The following THAP6 variants were observed in gnomAD, a reference collection of about 807,000 sequenced individuals.
THAP6 encodes THAP domain-containing protein 6.
In THAP6, 13 loss-of-function variants were observed where a neutral mutation model predicts 20.0. The ratio of observed to expected loss-of-function variants is 0.65; its 90% confidence interval spans 0.42 to 1.03. THAP6 has a LOEUF of 1.03. Ranked by LOEUF, THAP6 falls within the 50% of genes least tolerant of loss-of-function variation. The pLI, the probability that THAP6 is intolerant of heterozygous loss-of-function variation, is 0.00. For synonymous variants in THAP6, 93 were observed against 92.2 expected (o/e 1.01, Z -0.05); for missense variants, 262 against 261.6 (o/e 1.00, Z -0.01).
At position 75,515,895 on chromosome 4, in the gene THAP6, G is replaced by A. The variant is rs1027597100; in HGVS notation, c.80+363G>A. ...AATATATTGCCCTCTCTATTTAGAAGTAGATCAAGCATAGGTTATAGAGAA... is the reference window on the plus strand; with the variant it reads ...AATATATTGCCCTCTCTATTTAGAAATAGATCAAGCATAGGTTATAGAGAA... On this transcript the variant is annotated intron_variant, in intron 2 of 4. Coordinates refer to ENST00000311638, the MANE Select transcript of THAP6 (RefSeq NM_144721.6). 2.6e-5 allele frequency among the ~76,000 whole-genome samples: 4 copies of A among 152,230 alleles called. No individual in the cohort carries two copies. The East Asian group carries it at 7.7e-4, about 29-fold the overall frequency.
rs1195162560 is a variant in THAP6 at position 75,527,436 on chromosome 4, AC to A, written c.*223del. On this transcript the variant is annotated 3_prime_UTR_variant, in exon 5 of 5. Transcript: ENST00000311638. ...TGACAATTATGTTTTATAGACCTAC[AC>A]TAGTGCCAGGTCACTATTGTAAGAT... 4 of 1,341,816 alleles carry A rather than the reference AC, an allele frequency of 3.0e-6. No homozygotes were observed. Among genetic ancestry groups the A allele is most frequent in the Non-Finnish European group, 3.8e-6 (4 of 1,047,720 alleles). 83.1% of individuals were successfully genotyped at this position (1,341,816 alleles called of 1,614,324 possible).
intron 4 of THAP6, among the ~76,000 whole-genome samples, chr4:75,523,716 G>T (rs532028361): frequency 6.7e-6 from 1 of 150,088 alleles, no homozygotes; most frequent in Admixed American, 6.7e-5. Context: ...TGGGAGGATC[G>T]CTTGAGCCCT....
intron 3 of THAP6, among the ~76,000 whole-genome samples, chr4:75,519,137 T>C (rs1002981322): frequency 9.8e-5 from 15 of 152,334 alleles, no homozygotes; most frequent in Admixed American, 6.5e-4. Context: ...GTATGTACTC[T>C]GGCTTCTTTA....
At chr4:75,515,627 C>T in intron 2 of THAP6, 95 bp downstream of exon 2, 1 of 1,168,092 alleles carries the variant, frequency 8.6e-7, no homozygotes, top group Non-Finnish European at 1.3e-6. Context: ...ACTTTAGTTC[C>T]CGAGTCCTTT....
At chr4:75,521,375 A>T (rs1353970034) in intron 3 of THAP6, among the ~76,000 whole-genome samples, 1 of 152,004 alleles carries the variant, frequency 6.6e-6, no homozygotes, top group Non-Finnish European at 1.5e-5. Context: ...GCCTTACTCT[A>T]CTTATTTAGA....
At chr4:75,523,205 T>C (rs570852996) in intron 4 of THAP6, among the ~76,000 whole-genome samples, 1 of 152,380 alleles carries the variant, frequency 6.6e-6, no homozygotes, top group South Asian at 2.1e-4. Context: ...TCAGTGATAA[T>C]GCGTACCTTT....
At chr4:75,536,394 G>A (rs1726853878) in intron 2 of THAP6, among the ~76,000 whole-genome samples, 1 of 152,164 alleles carries the variant, frequency 6.6e-6, no homozygotes, top group African/African-American at 2.4e-5. Context: ...AACCTGGGAG[G>A]TGGAGGTTGC....
At chr4:75,530,902 A>T (rs1194201032), downstream of THAP6, among the ~76,000 whole-genome samples, 1 of 152,168 alleles carries the variant, frequency 6.6e-6, no homozygotes, top group Admixed American at 6.5e-5. Flanking sequence ...AGAATGGTGA[A>T]TTAAATGAAG....
Position 75,529,752 on chromosome 4 carries a change from G to A in THAP6, c.*2538G>A, listed in dbSNP as rs1726606376. 1 of 985,266 alleles carries A rather than the reference G, an allele frequency of 1.0e-6. No individual in the cohort carries two copies. Among genetic ancestry groups the A allele is most frequent in the African/African-American group, 1.7e-5 (1 of 57,228 alleles). The allele number at this position is 985,266 out of a possible 1,614,324, so 61.0% of individuals were successfully genotyped here. On this transcript the variant is annotated 3_prime_UTR_variant, in exon 5 of 5. Coordinates refer to ENST00000311638, the MANE Select transcript of THAP6 (RefSeq NM_144721.6). ...AAGCTAGGAGTGGCCTCTAGAGCCA[G>A]GAACACATTAATACAACAGTTCAAC...
chr4:75,520,314 A>G (rs1200223369), intron 3 of THAP6, among the ~76,000 whole-genome samples: 1 of 152,014 alleles, frequency 6.6e-6, no homozygotes, highest in African/African-American at 2.4e-5. Flanking sequence ...TTATGTACAC[A>G]TTTCTATAGG....
intron 2 of THAP6, chr4:75,539,795 AGACCATACAAT>A (rs1475409853): frequency 1.3e-6 from 2 of 1,533,298 alleles, no homozygotes; most frequent in African/African-American, 2.7e-5. Context: ...TATAAAACGT[AGACCATACAAT>A]GAGCCATCCA....
downstream of THAP6, among the ~76,000 whole-genome samples, chr4:75,531,690 G>A (rs1726684788): frequency 6.6e-6 from 1 of 152,130 alleles, no homozygotes; most frequent in Middle Eastern, 3.4e-3. Flanking sequence ...GGCTGGGGAG[G>A]CCTCATAATC....
chr4:75,541,191 G>A (rs1452170270), intron 2 of THAP6, among the ~76,000 whole-genome samples: 1 of 152,158 alleles, frequency 6.6e-6, no homozygotes, highest in Non-Finnish European at 1.5e-5. Flanking sequence ...TGAGGGCTAC[G>A]TGAGGACTGT....
intron 3 of THAP6, among the ~76,000 whole-genome samples, chr4:75,520,953 T>C (rs959181554): frequency 6.6e-6 from 1 of 152,214 alleles, no homozygotes; most frequent in South Asian, 2.1e-4. Flanking sequence ...GAGTTACTTA[T>C]TCAGGTCCTC....
downstream of THAP6, among the ~76,000 whole-genome samples, chr4:75,532,984 G>T (rs1726733399): frequency 6.6e-6 from 1 of 152,182 alleles, no homozygotes; most frequent in Admixed American, 6.5e-5. Flanking sequence ...ATTGTCTTGG[G>T]GATTAACATT....
At chr4:75,532,080 A>G (rs1411414947), downstream of THAP6, among the ~76,000 whole-genome samples, 1 of 152,158 alleles carries the variant, frequency 6.6e-6, no homozygotes, top group Non-Finnish European at 1.5e-5. Flanking sequence ...CATTAACTCA[A>G]AAGTCCACAG....
intron 3 of THAP6, chr4:75,517,185 T>C: frequency 2.1e-6 from 1 of 468,766 alleles, no homozygotes. Context: ...ACCTGGCTAA[T>C]TTTTGTATTT....
chr4:75,539,820 A>G (rs1394457270), intron 2 of THAP6: 1 of 1,535,738 alleles, frequency 6.5e-7, no homozygotes, highest in East Asian at 2.4e-5. Flanking sequence ...CCATCCACAT[A>G]CTGTTTTTCT....
chr4:75,533,033 T>G (rs1726735216), downstream of THAP6, among the ~76,000 whole-genome samples: 1 of 152,238 alleles, frequency 6.6e-6, no homozygotes, highest in African/African-American at 2.4e-5. Context: ...GCAGCCGGCT[T>G]GAATTTCTCT....
Sources: allele counts gnomAD v4.1 joint callset (sites outside exome capture counted in the v4.1 genomes callset), GRCh38; gene constraint gnomAD v4.1.1; transcripts MANE v1.5; gene names NCBI Gene and HGNC (gene_info 2026-07-23, HGNC 2026-07-21).